Variants in FRYL observed in about 807,000 individuals in gnomAD.
FRYL encodes the protein FRY like transcription coactivator.
FRYL carries 150 observed loss-of-function variants against 351.2 expected under a neutral mutation model. That is an observed-to-expected ratio of 0.43 (90% confidence interval 0.37 to 0.49). FRYL has a LOEUF of 0.49. FRYL is among the 20% of genes least tolerant of loss of function. FRYL has a pLI of 0.00. For missense variants in FRYL, 3,036 were observed against 3,619.3 expected (o/e 0.84, Z 4.13); for synonymous variants, 1,153 against 1,257.1 (o/e 0.92, Z 1.75).
At chr4:48,711,019 A>C (rs966064200) in intron 1 of FRYL, among the ~76,000 whole-genome samples, 1 of 152,262 alleles carries the variant, frequency 6.6e-6, no homozygotes, top group African/African-American at 2.4e-5. Context: ...ATGAAAAGGA[A>C]TAAAGTACTG....
At chr4:48,521,886 C>T (rs1321392887) in intron 54 of FRYL, among the ~76,000 whole-genome samples, 2 of 152,124 alleles carry the variant, frequency 1.3e-5, no homozygotes, top group South Asian at 2.1e-4. Context: ...AACCACAAAC[C>T]GACAACTTGA....
chr4:48,732,866 C>T (rs1335640420), intron 1 of FRYL, among the ~76,000 whole-genome samples: 4 of 150,672 alleles, frequency 2.7e-5, no homozygotes, highest in East Asian at 3.9e-4. Context: ...ATGGAATGTG[C>T]GTACCTATGA....
intron 7 of FRYL, among the ~76,000 whole-genome samples, chr4:48,616,624 C>T (rs537679284): frequency 1.3e-5 from 2 of 152,310 alleles, no homozygotes; most frequent in South Asian, 4.1e-4. Context: ...TAGAGTCCTT[C>T]ATACATTTTG....
At chr4:48,777,510 G>C (rs181860785) in intron 1 of FRYL, among the ~76,000 whole-genome samples, 1 of 152,268 alleles carries the variant, frequency 6.6e-6, no homozygotes, top group East Asian at 1.9e-4. Flanking sequence ...GATAATTCTG[G>C]CTCCCAAGGA....
chr4:48,549,374 A>C lies in FRYL; in HGVS notation c.4784+99T>G. 9.6e-7 allele frequency: 1 copy of C among 1,045,968 alleles called. No individual in the cohort carries two copies. Among genetic ancestry groups the C allele is most frequent in the Non-Finnish European group, 1.4e-6 (1 of 735,700 alleles). The allele number at this position is 1,045,968 out of a possible 1,614,324, so 64.8% of individuals were successfully genotyped here. A position where few individuals can be genotyped will look rare whatever the true frequency, so the allele number is the denominator to read the frequency against. On this transcript the variant is annotated intron_variant, in intron 39 of 63. Coordinates refer to ENST00000358350, the MANE Select transcript of FRYL (RefSeq NM_015030.2). The surrounding 1 kb of genome is among the most constrained non-coding windows in gnomAD (Gnocchi z 4.2). ...CTGTGTTGCAGTATCTCCATAAAGA[A>C]GATTGCTTTCATTCTGTGTTGTCAG...
intron 40 of FRYL, 148 bp downstream of exon 40, chr4:48,548,542 A>G (rs1418825348): frequency 2.7e-5 from 16 of 600,702 alleles, no homozygotes; most frequent in South Asian, 4.1e-5. Flanking sequence ...ACTCCCCAAG[A>G]GACCAGAGGA....
At chr4:48,616,992 T>C (rs1033135859) in intron 7 of FRYL, among the ~76,000 whole-genome samples, 1 of 152,224 alleles carries the variant, frequency 6.6e-6, no homozygotes, top group Admixed American at 6.5e-5. Context: ...TCGTTTTCTC[T>C]AGTTTTATTA....
chr4:48,540,762 T>C lies in FRYL; in HGVS notation c.5886A>G (p.Ile1962Met). ...GDRRRSNTLD[I>M]MDGRINHSSS... ...TGCTATGGTTTATCCGTCCATCCAT[T>C]ATATCCAGTGTGTTACTCCGCCGCC... The change falls in exon 46 of 64, where the codon ATA (isoleucine) becomes ATG (methionine). Residue 1962 changes from isoleucine (I) to methionine (M), a missense_variant. By Grantham distance (10) the Ile-to-Met change is conservative (BLOSUM62 1). This residue lies in a region of FRYL where 1,987 missense variants were observed against 2,311.7 expected (regional missense o/e 0.86). Transcript: ENST00000358350. The C allele has an allele frequency of 6.2e-7, 1 of 1,614,016 alleles. No homozygotes were observed. Among genetic ancestry groups the C allele is most frequent in the African/African-American group, 1.3e-5 (1 of 75,038 alleles).
intron 3 of FRYL, chr4:48,638,097 G>A (rs1193333054): frequency 6.6e-6 from 1 of 151,924 alleles, no homozygotes; most frequent in Non-Finnish European, 1.5e-5. Context: ...ACTGAAGTCT[G>A]TGGAAGCTGC....
At position 48,774,565 on chromosome 4, in the gene FRYL, A is replaced by G. The variant is rs1192099739; in HGVS notation, c.-384+5513T>C. ...CAAATAATTTTTTTTTTTTTTTTGG[A>G]GAAGGAATCTTGCTCTGTCACCTAG... On this transcript the variant is annotated intron_variant, in intron 1 of 63. Coordinates refer to ENST00000358350, the MANE Select transcript of FRYL (RefSeq NM_015030.2). Among the ~76,000 whole-genome samples, 4 of 148,090 alleles carry G rather than the reference A, an allele frequency of 2.7e-5. No individual in the cohort carries two copies. The East Asian group carries it at 7.8e-4, about 29-fold the overall frequency.
chr4:48,564,142 T>C, intron 30 of FRYL, 40 bp from the exon 31 acceptor site: 1 of 1,607,338 alleles, frequency 6.2e-7, no homozygotes, highest in Non-Finnish European at 8.5e-7. Flanking sequence ...GAGAACGTTA[T>C]ATATTTTTTG....
At chr4:48,516,955 ATTAGAAGAT>A (rs1723761946) in intron 55 of FRYL, among the ~76,000 whole-genome samples, 2 of 152,150 alleles carry the variant, frequency 1.3e-5, no homozygotes, top group African/African-American at 4.8e-5. Flanking sequence ...AGGGAAAGTG[ATTAGAAGAT>A]ATCAAAGGCA....
intron 1 of FRYL, among the ~76,000 whole-genome samples, chr4:48,756,640 T>G (rs1307474519): frequency 6.6e-6 from 1 of 152,174 alleles, no homozygotes; most frequent in Non-Finnish European, 1.5e-5. Context: ...ATATCAAATA[T>G]AATAAATCCA....
chr4:48,544,063 G>C, intron 43 of FRYL, 66 bp from the exon 44 acceptor site: 1 of 1,362,848 alleles, frequency 7.3e-7, no homozygotes, highest in Non-Finnish European at 1.0e-6. Flanking sequence ...GTTATAATCA[G>C]AAGTGAATCA....
chr4:48,599,939 C>G (rs1745368138), intron 13 of FRYL, among the ~76,000 whole-genome samples: 1 of 151,962 alleles, frequency 6.6e-6, no homozygotes, highest in Non-Finnish European at 1.5e-5. Context: ...GAAACCCCGT[C>G]TGTACTAAAA....
At chr4:48,561,000 C>T (rs1735376993) in intron 33 of FRYL, among the ~76,000 whole-genome samples, 1 of 152,194 alleles carries the variant, frequency 6.6e-6, no homozygotes, top group African/African-American at 2.4e-5. Flanking sequence ...CGACAAGCAA[C>T]ATGTGGGAGA....
intron 4 of FRYL, among the ~76,000 whole-genome samples, chr4:48,624,035 T>C (rs1467342807): frequency 6.6e-6 from 1 of 152,108 alleles, no homozygotes; most frequent in African/African-American, 2.4e-5. Context: ...TCTGTGCCAG[T>C]TGAACTTGCT....
At chr4:48,511,725 C>T (rs543398075) in intron 57 of FRYL, among the ~76,000 whole-genome samples, 3 of 152,038 alleles carry the variant, frequency 2.0e-5, no homozygotes, top group Admixed American at 1.3e-4. Flanking sequence ...TTAATGAGCA[C>T]TAAAGAACTT....
intron 61 of FRYL, among the ~76,000 whole-genome samples, chr4:48,501,977 T>C (rs1043771790): frequency 6.6e-6 from 1 of 152,202 alleles, no homozygotes; most frequent in Admixed American, 6.5e-5. Context: ...ATTCTACAAA[T>C]AGACTGTTTC....
Sources: gnomAD v4.1 joint callset for allele counts (sites outside exome capture counted in the v4.1 genomes callset) on GRCh38, gnomAD v4.1.1 for gene constraint, gnomAD v4.1.1 regional missense constraint, Gnocchi (gnomAD v3.1) non-coding constraint, MANE v1.5 for transcripts, NCBI Gene and HGNC (gene_info 2026-07-23, HGNC 2026-07-21) for gene names.